The following XYLB variants were observed in gnomAD, a reference collection of about 807,000 sequenced individuals.
The protein encoded by XYLB is xylulokinase.
XYLB carries 62 observed loss-of-function variants against 78.7 expected under a neutral mutation model. The ratio of observed to expected loss-of-function variants is 0.79; its 90% confidence interval spans 0.64 to 0.97. The LOEUF is 0.97. Among genes scored for constraint, XYLB ranks in the 50% least tolerant of loss-of-function variants. XYLB has a pLI of 0.00. For missense variants in XYLB, 687 were observed against 676.8 expected, an observed-to-expected ratio of 1.02 and a Z score of -0.17; for synonymous variants, 245 against 247.4, an observed-to-expected ratio of 0.99 and a Z score of 0.09.
At chr3:38,353,607 A>G (rs961213011) in intron 2 of XYLB, among the ~76,000 whole-genome samples, 1 of 152,060 alleles carries the variant, frequency 6.6e-6, no homozygotes, top group Non-Finnish European at 1.5e-5. Context: ...CACCACACCC[A>G]GCCTCAACCG....
At chr3:38,369,533 G>A (rs1340497376) in intron 8 of XYLB, among the ~76,000 whole-genome samples, 3 of 152,164 alleles carry the variant, frequency 2.0e-5, no homozygotes, top group Non-Finnish European at 4.4e-5. Context: ...CAGTGGAGGA[G>A]GAGTTCTCTC....
rs927999155 is a variant in XYLB at position 38,414,582 on chromosome 3, A to G, written c.*1569A>G. 6.6e-6 allele frequency: 1 copy of G among 152,246 alleles called. No individual in the cohort carries two copies. Among genetic ancestry groups the G allele is most frequent in the African/African-American group, 2.4e-5 (1 of 41,464 alleles). The allele number at this position is 152,246 out of a possible 1,614,324, so 9.4% of individuals were successfully genotyped here. A position where few individuals can be genotyped will look rare whatever the true frequency, so the allele number is the denominator to read the frequency against. ...TTGTGGATATAAAAGAACACCAGAG[A>G]TCAGAAATTCAAAAACTCAGAATAA... On this transcript the variant is annotated 3_prime_UTR_variant, in exon 19 of 19. Transcript: ENST00000207870.
the XYLB span, among the ~76,000 whole-genome samples, chr3:38,445,320 G>A: frequency 6.6e-5 from 10 of 152,160 alleles, no homozygotes; most frequent in Non-Finnish European, 1.3e-4. Context: ...CACGCGACGG[G>A]GCTTTGGGCA....
chr3:38,416,342 T>A (rs1442139300), downstream of XYLB, among the ~76,000 whole-genome samples: 1 of 152,188 alleles, frequency 6.6e-6, no homozygotes, highest in Non-Finnish European at 1.5e-5. Context: ...AAAGGTGTAC[T>A]ATACTATTAA....
At chr3:38,381,156 A>T (rs542349083) in intron 15 of XYLB, among the ~76,000 whole-genome samples, 2 of 152,346 alleles carry the variant, frequency 1.3e-5, no homozygotes, top group Admixed American at 1.3e-4. Flanking sequence ...AAGAATGTGG[A>T]TTGTGAAGAT....
Position 38,400,877 on chromosome 3 carries a change from C to T in XYLB, c.1439-14C>T, listed in dbSNP as rs779995786. Reference sequence around the variant, plus strand: ...TGCAACATGCACTAATGTGAAGTGACCTTTCCCTTCTAGGTCTTGCAGGTG... The same window carrying T: ...TGCAACATGCACTAATGTGAAGTGATCTTTCCCTTCTAGGTCTTGCAGGTG... On this transcript the variant is annotated splice_polypyrimidine_tract_variant and intron_variant, in intron 17 of 18. Coordinates refer to ENST00000207870, the MANE Select transcript of XYLB (RefSeq NM_005108.4). 1.2e-6 allele frequency: 2 copies of T among 1,611,112 alleles called. No homozygotes were observed. Among genetic ancestry groups the T allele is most frequent in the South Asian group, 1.1e-5 (1 of 90,698 alleles).
At chr3:38,374,638 T>TA (rs1706754393) in intron 11 of XYLB, 136 bp downstream of exon 11, 1 of 1,038,186 alleles carries the variant, frequency 9.6e-7, no homozygotes. Context: ...CTCTGCTACT[T>TA]ATCAGAGTGT....
intron 15 of XYLB, among the ~76,000 whole-genome samples, chr3:38,391,230 ACAACAAC>A (rs1028547923): frequency 8.0e-4 from 1 of 1,252 alleles, no homozygotes; most frequent in African/African-American, 1.1e-3. Context: ...AACAACAACA[ACAACAAC>A]AAAAAAAAAG....
chr3:38,358,928 A>G (rs1705822078), intron 2 of XYLB, among the ~76,000 whole-genome samples: 1 of 152,248 alleles, frequency 6.6e-6, no homozygotes, highest in African/African-American at 2.4e-5. Flanking sequence ...CAGAATGTTT[A>G]TATCACCCCC....
At chr3:38,437,294 C>T in the XYLB span, among the ~76,000 whole-genome samples, 1 of 152,036 alleles carries the variant, frequency 6.6e-6, no homozygotes, top group African/African-American at 2.4e-5. Flanking sequence ...TACAACAAAT[C>T]CACAGCTAAC....
intron 5 of XYLB, 32 bp from the exon 6 acceptor site, chr3:38,365,576 G>C: frequency 6.3e-7 from 1 of 1,593,398 alleles, no homozygotes; most frequent in Non-Finnish European, 8.6e-7. Context: ...AGCGGATGGA[G>C]CTTAAGCCTG....
chr3:38,409,620 T>C (rs555673614), intron 18 of XYLB, among the ~76,000 whole-genome samples: 15 of 152,178 alleles, frequency 9.9e-5, no homozygotes, highest in Non-Finnish European at 1.6e-4. Flanking sequence ...GATGACATGA[T>C]TGTATATCTA....
At chr3:38,445,897 A>G in the XYLB span, among the ~76,000 whole-genome samples, 1 of 152,186 alleles carries the variant, frequency 6.6e-6, no homozygotes, top group Admixed American at 6.5e-5. Context: ...AATGGTACTC[A>G]CTGCTTGACG....
At chr3:38,433,521 G>C in the XYLB span, among the ~76,000 whole-genome samples, 19 of 152,122 alleles carry the variant, frequency 1.2e-4, 1 homozygote, top group Non-Finnish European at 2.2e-4. Flanking sequence ...TCCTTTGAAC[G>C]CTTTGTCAAT....
the XYLB span, among the ~76,000 whole-genome samples, chr3:38,428,450 C>T: frequency 1.3e-5 from 2 of 152,176 alleles, no homozygotes; most frequent in Non-Finnish European, 1.5e-5. Flanking sequence ...TGTATTTCTT[C>T]ATTTTTCCTT....
intron 2 of XYLB, among the ~76,000 whole-genome samples, chr3:38,351,371 C>T (rs1705356236): frequency 6.6e-6 from 1 of 151,870 alleles, no homozygotes; most frequent in Admixed American, 6.6e-5. Context: ...CAGTCCTCTC[C>T]ACTGGACATT....
At chr3:38,403,026 G>A (rs1357597706) in intron 18 of XYLB, among the ~76,000 whole-genome samples, 2 of 152,156 alleles carry the variant, frequency 1.3e-5, no homozygotes, top group Non-Finnish European at 2.9e-5. Context: ...GCCGGATGCA[G>A]TGGCTCACAC....
the XYLB span, among the ~76,000 whole-genome samples, chr3:38,437,856 G>A: frequency 2.0e-5 from 3 of 152,170 alleles, no homozygotes; most frequent in Non-Finnish European, 4.4e-5. Flanking sequence ...TGGATCACGA[G>A]GTCAGGAGAT....
At chr3:38,359,044 T>C (rs868380066) in intron 2 of XYLB, among the ~76,000 whole-genome samples, 3 of 152,224 alleles carry the variant, frequency 2.0e-5, no homozygotes, top group Non-Finnish European at 4.4e-5. Flanking sequence ...TAAAGTGCAG[T>C]GTGGGAATCG....
Sources: allele counts gnomAD v4.1 joint callset (sites outside exome capture counted in the v4.1 genomes callset), GRCh38; gene constraint gnomAD v4.1.1; transcripts MANE v1.5; gene names NCBI Gene and HGNC (gene_info 2026-07-23, HGNC 2026-07-21).